CMC1: variants seen among roughly 807,000 people sequenced by gnomAD.
CMC1 encodes the protein COX assembly mitochondrial protein homolog.
Under a neutral mutation model 14.1 loss-of-function variants are expected in CMC1, and 14 were observed. The ratio of observed to expected loss-of-function variants is 0.99; its 90% CI spans 0.66 to 1.55. The LOEUF is 1.55. Among genes scored for constraint, CMC1 ranks in the 40% most tolerant of loss-of-function variants. The pLI is 0.00. For synonymous variants in CMC1, 50 were observed against 38.4 expected, an observed-to-expected ratio of 1.30 and a Z score of -1.12; for missense variants, 127 against 123.8, an observed-to-expected ratio of 1.03 and a Z score of -0.12.
In CMC1 at chr3:28,243,205, G is replaced by A. The variant is rs532207327; in HGVS notation, c.19+1393G>A. 7.9e-5 allele frequency among the ~76,000 whole-genome samples: 12 copies of A among 152,102 alleles called. No individual in the cohort carries two copies. In the East Asian group the frequency reaches 1.4e-3, roughly 17 times the overall value. ...TGAGTAGCTGGGATTACGGGCGCCC[G>A]CCACCACGGCCGGCTAATTTTTGTA... On this transcript the variant is annotated intron_variant, in intron 1 of 3. Transcript: ENST00000466830.
rs1703124307 is a variant in CMC1, at chr3:28,319,700, C to G, written c.*71C>G. ...CATTTTATAGTCCTTAAATAATGGA[C>G]TCAAGCATATATGTTTGCTTTACCT... is the stretch of plus-strand genomic sequence containing the variant. On this transcript the variant is annotated 3_prime_UTR_variant, in exon 4 of 4. Coordinates refer to ENST00000466830, the MANE Select transcript of CMC1 (RefSeq NM_182523.2). 1.6e-6 allele frequency: 2 copies of G among 1,238,956 alleles called. No individual in the cohort carries two copies. The highest frequency in any genetic ancestry group is 3.1e-5 in the South Asian group (2 of 64,548). 76.7% of individuals were successfully genotyped at this position (1,238,956 alleles called of 1,614,324 possible). A position where few individuals can be genotyped will look rare whatever the true frequency, so the allele number is the denominator to read the frequency against.
intron 2 of CMC1, among the ~76,000 whole-genome samples, chr3:28,296,849 G>A (rs1577068018): frequency 6.6e-6 from 1 of 151,896 alleles, no homozygotes; most frequent in South Asian, 2.1e-4. Flanking sequence ...AAAAAAGTAA[G>A]GTTTGTTGTT....
chr3:28,246,729 G>C (rs756611884), intron 1 of CMC1, among the ~76,000 whole-genome samples: 45 of 151,032 alleles, frequency 3.0e-4, no homozygotes, highest in Non-Finnish European at 5.6e-4. Flanking sequence ...TAACTAATCT[G>C]TGGGAAGGTT....
chr3:28,274,615 C>T (rs1482203339), intron 2 of CMC1, among the ~76,000 whole-genome samples: 1 of 152,018 alleles, frequency 6.6e-6, no homozygotes, highest in African/African-American at 2.4e-5. Flanking sequence ...TGTGGAGTAT[C>T]TTACTGGGGT....
rs1304946958 is a variant in CMC1, at chr3:28,320,415, A to G, written c.*786A>G. 3 of 151,574 alleles carry G rather than the reference A, an allele frequency of 2.0e-5. No individual in the cohort carries two copies. Among genetic ancestry groups the G allele is most frequent in the Admixed American group, 6.6e-5 (1 of 15,148 alleles). 9.4% of individuals were successfully genotyped at this position (151,574 alleles called of 1,614,324 possible). On this transcript the variant is annotated 3_prime_UTR_variant, in exon 4 of 4. Coordinates refer to ENST00000466830, the MANE Select transcript of CMC1 (RefSeq NM_182523.2). Reference sequence around the variant, plus strand: ...GACAAACAAGTGTGGGCAAACTTTTATAACAGCCCGCTCTCTTGAGAACTA... The same window carrying G: ...GACAAACAAGTGTGGGCAAACTTTTGTAACAGCCCGCTCTCTTGAGAACTA...
At position 28,319,733 on chromosome 3, in the gene CMC1, G is replaced by T. The variant is rs1703125682; in HGVS notation, c.*104G>T. On this transcript the variant is annotated 3_prime_UTR_variant, in exon 4 of 4. Transcript: ENST00000466830. ...TATATGTTTGCTTTACCTTAATTATGGAAATATTAACTTTATCTGAAATAA... is the reference window on the plus strand; with the variant it reads ...TATATGTTTGCTTTACCTTAATTATTGAAATATTAACTTTATCTGAAATAA... 10 of 924,126 alleles carry T rather than the reference G, an allele frequency of 1.1e-5. No individual in the cohort carries two copies. Among genetic ancestry groups the T allele is most frequent in the South Asian group, 7.4e-5 (3 of 40,764 alleles). 57.2% of individuals were successfully genotyped at this position (924,126 alleles called of 1,614,324 possible). A position where few individuals can be genotyped will look rare whatever the true frequency, so the allele number is the denominator to read the frequency against.
In CMC1 at chr3:28,316,382, C is replaced by T. The variant is rs749612685; in HGVS notation, c.159C>T (p.Cys53=). ...CTGGAGTTCTTATGGTAGTAAAATG[C>T]CGGAAAGAAAATTCTGCATTGAAAG... is the stretch of plus-strand genomic sequence containing the variant. ...KNSGVLMVVK[C]RKENSALKEC... is the part of the protein sequence containing the mutation. The change falls in exon 3 of 4, where the codon TGC becomes TGT. Residue 53 remains cysteine (C), a synonymous_variant. Coordinates refer to ENST00000466830, the MANE Select transcript of CMC1 (RefSeq NM_182523.2). The T allele has an allele frequency of 2.5e-6, 4 of 1,595,972 alleles. No individual in the cohort carries two copies. Among genetic ancestry groups the T allele is most frequent in the East Asian group, 2.3e-5 (1 of 44,302 alleles).
chr3:28,287,318 A>G (rs1350439902), intron 2 of CMC1, among the ~76,000 whole-genome samples: 1 of 152,182 alleles, frequency 6.6e-6, no homozygotes, highest in African/African-American at 2.4e-5. Flanking sequence ...AGTTTGAAAC[A>G]GAATGGCTAC....
At chr3:28,313,419 T>G (rs1239830536) in intron 2 of CMC1, among the ~76,000 whole-genome samples, 1 of 152,060 alleles carries the variant, frequency 6.6e-6, no homozygotes, top group Non-Finnish European at 1.5e-5. Context: ...GTAATTAAAA[T>G]TATTGATAGA....
At chr3:28,255,334 G>A (rs189045100) in intron 1 of CMC1, among the ~76,000 whole-genome samples, 1 of 150,084 alleles carries the variant, frequency 6.7e-6, no homozygotes, top group Non-Finnish European at 1.5e-5. Context: ...TCCGCCTCCC[G>A]GGTTCAAGCA....
At chr3:28,312,150 C>T (rs1221148150) in intron 2 of CMC1, among the ~76,000 whole-genome samples, 1 of 152,104 alleles carries the variant, frequency 6.6e-6, no homozygotes, top group Non-Finnish European at 1.5e-5. Context: ...TGTTAAAATT[C>T]TAAACTGTAT....
In CMC1 at chr3:28,320,567, G is replaced by A. The variant is rs972640062; in HGVS notation, c.*938G>A. 1 of 151,260 alleles carries A rather than the reference G, an allele frequency of 6.6e-6. No individual in the cohort carries two copies. Among genetic ancestry groups the A allele is most frequent in the African/African-American group, 2.4e-5 (1 of 41,254 alleles). 9.4% of individuals were successfully genotyped at this position (151,260 alleles called of 1,614,324 possible). ...AAGTTTCCAACACATGAACTCTTGGGGGACACATCAAACCATAGCAGAACC... is the reference window on the plus strand; with the variant it reads ...AAGTTTCCAACACATGAACTCTTGGAGGACACATCAAACCATAGCAGAACC... On this transcript the variant is annotated 3_prime_UTR_variant, in exon 4 of 4. Transcript: ENST00000466830.
At chr3:28,264,715 C>T (rs1699917804) in intron 2 of CMC1, among the ~76,000 whole-genome samples, 1 of 152,056 alleles carries the variant, frequency 6.6e-6, no homozygotes, top group Non-Finnish European at 1.5e-5. Flanking sequence ...TATCCTGATT[C>T]AGGTGAGGGG....
Position 28,300,617 on chromosome 3 carries a change from C to T in CMC1, c.110-15716C>T, listed in dbSNP as rs529552218. On this transcript the variant is annotated intron_variant, in intron 2 of 3. Coordinates refer to ENST00000466830, the MANE Select transcript of CMC1 (RefSeq NM_182523.2). ...TCTCTTCCTTCCTTCCTTCCTCCCT[C>T]CCTCCCTCCCTCCATCCCTTTCCCT... Among the ~76,000 whole-genome samples the T allele has an allele frequency of 8.0e-4, 102 of 127,606 alleles. 1 individual carries two copies. The highest frequency in any genetic ancestry group is 1.3e-3 in the Non-Finnish European group (81 of 61,260). The allele number at this position is 127,606 out of a possible 152,430, so 83.7% of individuals were successfully genotyped here.
At chr3:28,305,421 C>A (rs1445682961) in intron 2 of CMC1, among the ~76,000 whole-genome samples, 1 of 152,102 alleles carries the variant, frequency 6.6e-6, no homozygotes, top group African/African-American at 2.4e-5. Flanking sequence ...AGAATTATTT[C>A]TTTTCCTTTG....
chr3:28,308,272 T>A (rs1416316776), intron 2 of CMC1, among the ~76,000 whole-genome samples: 1 of 148,126 alleles, frequency 6.8e-6, no homozygotes, highest in Non-Finnish European at 1.5e-5. Flanking sequence ...GTGAAAGCTT[T>A]AAAAAAAAAA....
intron 2 of CMC1, 25 bp from the exon 3 acceptor site, chr3:28,316,308 T>G (rs1420090092): frequency 1.5e-6 from 2 of 1,306,378 alleles, no homozygotes; most frequent in African/African-American, 3.0e-5. Flanking sequence ...TTACAAGTAA[T>G]TTTTTCCTTC....
chr3:28,303,990 A>G (rs1042809871), intron 2 of CMC1, among the ~76,000 whole-genome samples: 2 of 152,164 alleles, frequency 1.3e-5, no homozygotes, highest in African/African-American at 2.4e-5. Flanking sequence ...ATCATAAGTT[A>G]TAAATCATAA....
At chr3:28,290,279 GTTAAT>G (rs1296843026) in intron 2 of CMC1, among the ~76,000 whole-genome samples, 1 of 151,938 alleles carries the variant, frequency 6.6e-6, no homozygotes, top group Non-Finnish European at 1.5e-5. Context: ...ATTGCCAATA[GTTAAT>G]TTAATAAGAG....
Sources: gnomAD v4.1 joint callset for allele counts (sites outside exome capture counted in the v4.1 genomes callset) on GRCh38, gnomAD v4.1.1 for gene constraint, MANE v1.5 for transcripts, NCBI Gene and HGNC (gene_info 2026-07-23, HGNC 2026-07-21) for gene names.